CDH23: variants seen among roughly 807,000 people sequenced by gnomAD.
CDH23 encodes the protein cadherin-23.
Under a neutral mutation model 317.1 loss-of-function variants are expected in CDH23, and 189 were observed. That is an observed-to-expected ratio of 0.60 (90% CI 0.53 to 0.67). CDH23 has a LOEUF of 0.67. Among genes scored for constraint, CDH23 ranks in the 30% least tolerant of loss-of-function variants. The pLI, the probability that CDH23 is intolerant of heterozygous loss-of-function variation, is 0.00. For missense variants in CDH23, 4,401 were observed against 4,592.4 expected (o/e 0.96, Z 1.20); for synonymous variants, 1,839 against 1,876.8 (o/e 0.98, Z 0.52).
chr10:71,639,407 A>T (rs987125613), intron 11 of CDH23, among the ~76,000 whole-genome samples: 1 of 152,032 alleles, frequency 6.6e-6, no homozygotes, highest in Admixed American at 6.6e-5. Flanking sequence ...TGTGCCCTCC[A>T]CCAGTCCAGG....
Position 71,677,685 on chromosome 10 carries a change from C to T in CDH23, c.1744C>T (p.Arg582Trp), listed in dbSNP as rs780571524. 1.3e-5 allele frequency: 20 copies of T among 1,558,844 alleles called. No individual in the cohort carries two copies. Among genetic ancestry groups the T allele is most frequent in the South Asian group, 8.3e-5 (7 of 84,592 alleles). Residue 582 changes from arginine to tryptophan, a missense_variant, in exon 16 of 70, where the codon CGG (arginine) becomes TGG (tryptophan). Physicochemically the swap from Arg to Trp is moderately radical, Grantham distance 101. This residue lies in a region of CDH23 where 3,068 missense variants were observed against 3,203.3 expected (regional missense o/e 0.96). Coordinates refer to ENST00000224721, the MANE Select transcript of CDH23 (RefSeq NM_022124.6). ...CGAGCCTTCTGTCACACAGCTGGTGCGGCTCCGGGTAAGGTGCCAGGGAGC... is the reference window on the plus strand; with the variant it reads ...CGAGCCTTCTGTCACACAGCTGGTGTGGCTCCGGGTAAGGTGCCAGGGAGC... ...ENEPSVTQLV[R>W]LRATDEDSPP...
chr10:71,446,493 C>A, intron 3 of CDH23, 98 bp downstream of exon 3: 1 of 1,253,398 alleles, frequency 8.0e-7, no homozygotes. Context: ...CATCTTCCAC[C>A]TGATTTTGGA....
chr10:71,524,701 A>G (rs1383546196), intron 6 of CDH23, among the ~76,000 whole-genome samples: 1 of 152,130 alleles, frequency 6.6e-6, no homozygotes, highest in Non-Finnish European at 1.5e-5. Context: ...TATAAGAAGC[A>G]GGTAGGAGGG....
intron 53 of CDH23, 141 bp downstream of exon 53, chr10:71,800,896 G>A: frequency 8.5e-7 from 1 of 1,183,396 alleles, no homozygotes; most frequent in South Asian, 1.5e-5. Context: ...GAAAGGAGAA[G>A]GCAAGAGGGT....
chr10:71,488,781 T>A (rs1052208482), intron 3 of CDH23, among the ~76,000 whole-genome samples: 3 of 152,242 alleles, frequency 2.0e-5, no homozygotes, highest in African/African-American at 2.4e-5. Flanking sequence ...TTATCCCTAG[T>A]GGCATTGACT....
chr10:71,475,321 G>T (rs1851734308), intron 3 of CDH23, among the ~76,000 whole-genome samples: 1 of 152,172 alleles, frequency 6.6e-6, no homozygotes, highest in African/African-American at 2.4e-5. Context: ...GGGAGGGCGG[G>T]GTAGGAAGAG....
At chr10:71,485,089 C>T (rs900214565) in intron 3 of CDH23, among the ~76,000 whole-genome samples, 2 of 142,050 alleles carry the variant, frequency 1.4e-5, no homozygotes, top group South Asian at 2.2e-4. Flanking sequence ...GGCAGTGGTG[C>T]GATCTCGGCT....
chr10:71,695,063 G>T (rs1865328010), intron 21 of CDH23, among the ~76,000 whole-genome samples: 1 of 152,202 alleles, frequency 6.6e-6, no homozygotes, highest in African/African-American at 2.4e-5. Flanking sequence ...TTGGCTTGTA[G>T]CTGAGACGGG....
At chr10:71,726,159 G>A (rs1866799965) in intron 30 of CDH23, among the ~76,000 whole-genome samples, 1 of 152,130 alleles carries the variant, frequency 6.6e-6, no homozygotes. Flanking sequence ...GGATGACTGA[G>A]ATGAATGAGA....
intron 40 of CDH23, 90 bp from the exon 41 acceptor site, chr10:71,779,177 T>C: frequency 8.0e-7 from 1 of 1,251,098 alleles, no homozygotes; most frequent in South Asian, 1.3e-5. Context: ...TGAGGCAGAA[T>C]TATCAGGTCC....
chr10:71,666,501 C>A (rs1036519402), intron 14 of CDH23, among the ~76,000 whole-genome samples: 1 of 152,194 alleles, frequency 6.6e-6, no homozygotes, highest in African/African-American at 2.4e-5. Context: ...CCCCTTTGCC[C>A]ATCTAACACC....
chr10:71,722,081 A>C (rs1866582895), intron 28 of CDH23, among the ~76,000 whole-genome samples: 1 of 152,220 alleles, frequency 6.6e-6, no homozygotes, highest in Non-Finnish European at 1.5e-5. Flanking sequence ...AGTTTTGTCC[A>C]GTGAGCAACG....
chr10:71,550,277 C>G (rs1015629395), intron 6 of CDH23, among the ~76,000 whole-genome samples: 1 of 152,126 alleles, frequency 6.6e-6, no homozygotes, highest in African/African-American at 2.4e-5. Context: ...TGGGGTGACA[C>G]ATTAAGACCA....
At chr10:71,515,767 C>T (rs1252897178) in intron 6 of CDH23, among the ~76,000 whole-genome samples, 1 of 152,200 alleles carries the variant, frequency 6.6e-6, no homozygotes, top group Non-Finnish European at 1.5e-5. Context: ...CTTAGCACAG[C>T]CTGTGGCTTG....
At chr10:71,701,416 C>T (rs771645920) in intron 22 of CDH23, among the ~76,000 whole-genome samples, 17 of 152,124 alleles carry the variant, frequency 1.1e-4, no homozygotes, top group Non-Finnish European at 1.5e-4. Flanking sequence ...GTTCACCGCC[C>T]CTGGGTTAGG....
intron 6 of CDH23, among the ~76,000 whole-genome samples, chr10:71,546,601 C>A (rs1386607505): frequency 6.6e-6 from 1 of 152,198 alleles, no homozygotes; most frequent in Non-Finnish European, 1.5e-5. Context: ...GTGTCCACTG[C>A]ACCTAGAACA....
At chr10:71,654,841 C>T (rs187120420) in intron 14 of CDH23, among the ~76,000 whole-genome samples, 24 of 152,262 alleles carry the variant, frequency 1.6e-4, no homozygotes, top group African/African-American at 5.5e-4. Context: ...ACAGAAGCTG[C>T]GTGGCGTTTT....
At chr10:71,493,283 C>T (rs1019353740) in intron 3 of CDH23, among the ~76,000 whole-genome samples, 2 of 152,152 alleles carry the variant, frequency 1.3e-5, no homozygotes, top group African/African-American at 4.8e-5. Context: ...AGCAGAGAGG[C>T]CCAGGTTCCC....
chr10:71,438,059 C>T (rs751866228), intron 1 of CDH23, among the ~76,000 whole-genome samples: 1 of 152,022 alleles, frequency 6.6e-6, no homozygotes, highest in Non-Finnish European at 1.5e-5. Flanking sequence ...TTTTGTGTTT[C>T]GTCATGCATG....
Sources: allele counts gnomAD v4.1 joint callset (sites outside exome capture counted in the v4.1 genomes callset), GRCh38; gene constraint gnomAD v4.1.1; regional missense constraint gnomAD v4.1.1; transcripts MANE v1.5; gene names NCBI Gene and HGNC (gene_info 2026-07-23, HGNC 2026-07-21).